Variants in COBLL1 observed in about 807,000 individuals in gnomAD.
The protein encoded by COBLL1 is cordon-bleu protein-like 1.
A neutral mutation model predicts 94.8 loss-of-function variants in COBLL1; 50 were observed. That is an observed-to-expected ratio of 0.53 (90% confidence interval 0.42 to 0.67). The LOEUF (loss-of-function observed/expected upper bound fraction) is 0.67, where lower values mean the gene tolerates loss of function less well. Among genes scored for constraint, COBLL1 ranks in the 30% least tolerant of loss-of-function variants. COBLL1 has a pLI of 0.00. For synonymous variants in COBLL1, 448 were observed against 473.8 expected (o/e 0.95, Z 0.71); for missense variants, 1,362 against 1,348.7 (o/e 1.01, Z -0.15).
At chr2:164,708,942 T>A (rs1382191520) in intron 7 of COBLL1, among the ~76,000 whole-genome samples, 1 of 152,206 alleles carries the variant, frequency 6.6e-6, no homozygotes, top group Non-Finnish European at 1.5e-5. Context: ...AGCCATGACA[T>A]GAATTTCTCA....
intron 2 of COBLL1, chr2:164,779,573 C>A: frequency 2.3e-6 from 1 of 441,522 alleles, no homozygotes; most frequent in Non-Finnish European, 4.7e-6. Context: ...CCCACCCATG[C>A]CATTTCCCAG....
In COBLL1 at chr2:164,694,395, G is replaced by A. The variant is rs1217159241; in HGVS notation, c.2997C>T (p.Phe999=). 6.2e-7 allele frequency: 1 copy of A among 1,613,862 alleles called. No homozygotes were observed. Among genetic ancestry groups the A allele is most frequent in the African/African-American group, 1.3e-5 (1 of 74,894 alleles). ...TAGGTGACTCGGTGCGCTCTTTACT[G>A]AAAGACTGTGACCTTTTCACTACAG... The part of the protein sequence containing the change: ...ALAVVKRSQS[F]SKERTESPSA... The change falls in exon 12 of 14, where the codon TTC becomes TTT. Residue 999 remains phenylalanine, a synonymous_variant. Transcript: ENST00000652658.
intron 2 of COBLL1, among the ~76,000 whole-genome samples, chr2:164,815,125 C>T (rs898556249): frequency 6.6e-6 from 1 of 151,934 alleles, no homozygotes; most frequent in Non-Finnish European, 1.5e-5. Context: ...CCAGGCCAGA[C>T]ACAGGGGCTC....
chr2:164,697,292 G>A (rs1030972163), intron 11 of COBLL1: 4 of 151,906 alleles, frequency 2.6e-5, no homozygotes, highest in Non-Finnish European at 5.9e-5. Flanking sequence ...ATCAGAATAC[G>A]TACCATCTAC....
In COBLL1 at chr2:164,730,207, T is replaced by G. The variant is rs550976664; in HGVS notation, c.231-92A>C. On this transcript the variant is annotated intron_variant, in intron 3 of 13. Transcript: ENST00000652658. The stretch of plus-strand genomic sequence containing the variant: ...ATAGATAAACAAGTCTACAAGATAG[T>G]TTTTGGAAAAGCAGCTTAAATATTG... 57 of 1,156,462 alleles carry G rather than the reference T, an allele frequency of 4.9e-5. No homozygotes were observed. The African/African-American group carries it at 7.1e-4, about 14-fold the overall frequency. 71.6% of individuals were successfully genotyped at this position (1,156,462 alleles called of 1,614,324 possible).
intron 2 of COBLL1, among the ~76,000 whole-genome samples, chr2:164,789,015 G>A (rs1213914394): frequency 8.3e-6 from 1 of 121,122 alleles, no homozygotes; most frequent in Admixed American, 9.3e-5. Flanking sequence ...AGGAGTAGAG[G>A]TTTAAACACA....
chr2:164,836,224 T>A (rs1001525005), intron 2 of COBLL1, among the ~76,000 whole-genome samples: 1 of 152,124 alleles, frequency 6.6e-6, no homozygotes, highest in Non-Finnish European at 1.5e-5. Flanking sequence ...TGTCATATGA[T>A]GAAAAAAACT....
chr2:164,708,025 A>G (rs1356380463), intron 7 of COBLL1, among the ~76,000 whole-genome samples: 1 of 152,190 alleles, frequency 6.6e-6, no homozygotes, highest in Non-Finnish European at 1.5e-5. Context: ...GGTCACTTCA[A>G]CAGGGAGAGA....
At chr2:164,781,200 A>G (rs1368558767) in intron 2 of COBLL1, among the ~76,000 whole-genome samples, 1 of 152,212 alleles carries the variant, frequency 6.6e-6, no homozygotes, top group Non-Finnish European at 1.5e-5. Context: ...TCTTCTTTAC[A>G]TTGATTTAAG....
At chr2:164,757,828 T>A (rs1687487266) in intron 2 of COBLL1, among the ~76,000 whole-genome samples, 1 of 151,138 alleles carries the variant, frequency 6.6e-6, no homozygotes, top group African/African-American at 2.4e-5. Flanking sequence ...ATAATAATAA[T>A]AATAAAATAT....
At chr2:164,808,600 C>A (rs1307707511) in intron 2 of COBLL1, among the ~76,000 whole-genome samples, 2 of 152,108 alleles carry the variant, frequency 1.3e-5, no homozygotes, top group Non-Finnish European at 2.9e-5. Flanking sequence ...TTTTAAGAAA[C>A]ATACTTGAAT....
At chr2:164,731,569 T>C (rs953670985) in intron 3 of COBLL1, among the ~76,000 whole-genome samples, 1 of 152,208 alleles carries the variant, frequency 6.6e-6, no homozygotes, top group African/African-American at 2.4e-5. Context: ...TCCTAAACTG[T>C]TAGTTCACAC....
chr2:164,742,331 G>GA (rs1266623977), intron 3 of COBLL1, among the ~76,000 whole-genome samples: 9 of 150,444 alleles, frequency 6.0e-5, no homozygotes, highest in African/African-American at 1.7e-4. Flanking sequence ...TGAAGAACTA[G>GA]AAAAAAAGTT....
rs1241164219 is a variant in COBLL1 at position 164,785,050 on chromosome 2, G to A, written c.42-41175C>T. ...GGGCTCTCTTGCTCTTCTGCCTTCT[G>A]CCATGTGAGGATGAAGCAAGAAGGC... On this transcript the variant is annotated intron_variant, in intron 2 of 13. Coordinates refer to ENST00000652658, the MANE Select transcript of COBLL1 (RefSeq NM_001365672.2). 2.0e-5 allele frequency among the ~76,000 whole-genome samples: 3 copies of A among 152,250 alleles called. No homozygotes were observed. In the East Asian group the frequency reaches 5.8e-4, roughly 29 times the overall value.
At chr2:164,815,581 G>A (rs1356558324) in intron 2 of COBLL1, among the ~76,000 whole-genome samples, 2 of 152,056 alleles carry the variant, frequency 1.3e-5, no homozygotes, top group Admixed American at 6.6e-5. Flanking sequence ...TGTATAAAAA[G>A]GGATAAAACA....
intron 2 of COBLL1, among the ~76,000 whole-genome samples, chr2:164,830,939 T>C (rs911829090): frequency 6.6e-6 from 1 of 152,234 alleles, no homozygotes; most frequent in East Asian, 1.9e-4. Flanking sequence ...ACAAAGTTCA[T>C]AGGTAATAAT....
chr2:164,701,455 T>C (rs777720390), intron 9 of COBLL1, among the ~76,000 whole-genome samples: 1 of 152,244 alleles, frequency 6.6e-6, no homozygotes, highest in Admixed American at 6.5e-5. Context: ...CAACTTGCTT[T>C]AACAGTTTTT....
intron 2 of COBLL1, among the ~76,000 whole-genome samples, chr2:164,797,434 A>T (rs912169571): frequency 6.6e-6 from 1 of 152,184 alleles, no homozygotes; most frequent in Non-Finnish European, 1.5e-5. Context: ...TAAATTCACT[A>T]AACAAGCCTC....
In COBLL1 at chr2:164,694,491, A is replaced by C. The variant is rs1281143864; in HGVS notation, c.2901T>G (p.Asn967Lys). 11 of 1,613,826 alleles carry C rather than the reference A, an allele frequency of 6.8e-6. No homozygotes were observed. The highest frequency in any genetic ancestry group is 2.7e-5 in the African/African-American group (2 of 74,868). ...TIPASQVSTQ[N>K]LKTLKTFGAP... is the part of the protein sequence containing the mutation. ...CACCAAAAGTTTTCAAAGTCTTCAG[A>C]TTTTGTGTGGATACCTGACTAGCAG... Residue 967 changes from asparagine (N) to lysine (K), a missense_variant, in exon 12 of 14, where the codon AAT becomes AAG. By Grantham distance (94) the Asn-to-Lys change is moderately conservative. Transcript: ENST00000652658.
Sources: allele counts gnomAD v4.1 joint callset (sites outside exome capture counted in the v4.1 genomes callset), GRCh38; gene constraint gnomAD v4.1.1; transcripts MANE v1.5; gene names NCBI Gene and HGNC (gene_info 2026-07-23, HGNC 2026-07-21).